The following GABRG1 variants were observed in gnomAD, a reference collection of about 807,000 sequenced individuals.
The protein encoded by GABRG1 is gamma-aminobutyric acid receptor subunit gamma-1.
In GABRG1, 49 loss-of-function variants were observed where a neutral mutation model predicts 49.8. The ratio of observed to expected loss-of-function variants is 0.98; its 90% CI spans 0.78 to 1.25. GABRG1 has a LOEUF of 1.25. GABRG1 is among the 50% of genes most tolerant of loss of function. The pLI is 0.00. For synonymous variants in GABRG1, 232 were observed against 185.1 expected (o/e 1.25, Z -2.06); for missense variants, 552 against 552.3 (o/e 1.00, Z 0.01).
chr4:46,057,233 C>T (rs1497571), intron 7 of GABRG1, among the ~76,000 whole-genome samples: 76,494 of 151,900 alleles, frequency 0.5, 19,823 homozygotes, highest in African/African-American at 0.62. Context: ...GCCAAGAGAA[C>T]TTCAAGTATA....
chr4:46,054,907 G>A (rs1207431094), intron 7 of GABRG1, among the ~76,000 whole-genome samples: 1 of 68,096 alleles, frequency 1.5e-5, no homozygotes, highest in African/African-American at 7.9e-5. Context: ...CGGTGAGAGA[G>A]GGCATCCCTG....
rs564259318 is a variant in GABRG1, at chr4:46,090,799, A to G, written c.253+6402T>C. ...TCTTTGGCCACTTCTTCCCCTTGGT[A>G]TATTTGCTGTTTGACAGCACAGCAA... On this transcript the variant is annotated intron_variant, in intron 2 of 8. Transcript: ENST00000295452. 1.3e-3 allele frequency among the ~76,000 whole-genome samples: 199 copies of G among 152,058 alleles called. 3 individuals carry two copies. Among genetic ancestry groups the G allele is most frequent in the Admixed American group, 2.9e-3 (44 of 15,242 alleles).
chr4:46,066,337 T>A (rs1718921549), intron 3 of GABRG1, among the ~76,000 whole-genome samples: 1 of 152,196 alleles, frequency 6.6e-6, no homozygotes, highest in Admixed American at 6.6e-5. Context: ...CTACTGTTTT[T>A]AAATGTTTTA....
intron 3 of GABRG1, among the ~76,000 whole-genome samples, chr4:46,066,591 A>G (rs1325299698): frequency 1.3e-5 from 2 of 152,202 alleles, no homozygotes; most frequent in Admixed American, 6.5e-5. Flanking sequence ...CATCCATAAC[A>G]AATGCATATA....
At chr4:46,074,038 T>C (rs1482196524) in intron 3 of GABRG1, among the ~76,000 whole-genome samples, 1 of 152,170 alleles carries the variant, frequency 6.6e-6, no homozygotes, top group African/African-American at 2.4e-5. Flanking sequence ...TAAGAAGTTC[T>C]CTGTGACAAA....
intron 3 of GABRG1, among the ~76,000 whole-genome samples, chr4:46,080,954 C>A (rs1244006982): frequency 6.6e-6 from 1 of 151,768 alleles, no homozygotes; most frequent in African/African-American, 2.4e-5. Flanking sequence ...GCACCTATTA[C>A]ACGTGTATAT....
At chr4:46,079,383 T>C (rs746218789) in intron 3 of GABRG1, among the ~76,000 whole-genome samples, 5 of 151,952 alleles carry the variant, frequency 3.3e-5, no homozygotes, top group Non-Finnish European at 7.4e-5. Flanking sequence ...AGCAGGAAGA[T>C]TCTACCCAGT....
intron 7 of GABRG1, among the ~76,000 whole-genome samples, chr4:46,053,443 A>ATTTG (rs3069472): frequency 0.51 from 76,527 of 151,522 alleles, 19,890 homozygotes; most frequent in African/African-American, 0.62. Flanking sequence ...ATGGTTGCAG[A>ATTTG]TTTATTTCTC....
chr4:46,071,296 TAC>T (rs1719108718), intron 3 of GABRG1, among the ~76,000 whole-genome samples: 1 of 151,736 alleles, frequency 6.6e-6, no homozygotes, highest in Non-Finnish European at 1.5e-5. Context: ...TTCTACTTTA[TAC>T]ACACACAGAC....
intron 1 of GABRG1, among the ~76,000 whole-genome samples, chr4:46,120,712 T>C (rs188854894): frequency 3.0e-4 from 45 of 151,878 alleles, no homozygotes; most frequent in African/African-American, 9.9e-4. Flanking sequence ...GAAAATAATA[T>C]ATTTTAAAAA....
chr4:46,101,215 C>G (rs1720368360), intron 1 of GABRG1, among the ~76,000 whole-genome samples: 1 of 151,462 alleles, frequency 6.6e-6, no homozygotes, highest in African/African-American at 2.4e-5. Flanking sequence ...TTATAGAATT[C>G]CAGGACACAC....
intron 5 of GABRG1, among the ~76,000 whole-genome samples, chr4:46,060,189 CAAG>C (rs1190038169): frequency 6.6e-6 from 1 of 151,864 alleles, no homozygotes; most frequent in African/African-American, 2.4e-5. Context: ...TAGATTCTCT[CAAG>C]AAGAATCATC....
chr4:46,107,612 C>T lies in GABRG1; in HGVS notation c.105-10263G>A, dbSNP rs193230985. Among the ~76,000 whole-genome samples, 549 of 150,874 alleles carry T rather than the reference C, an allele frequency of 3.6e-3. 1 individual carries two copies. The highest frequency in any genetic ancestry group is 0.012 in the African/African-American group (514 of 41,256). ...TCATATGTGAATTATGATGGTGATACTAAATTATATAATTTTGAATCATTA... is the reference window on the plus strand; with the variant it reads ...TCATATGTGAATTATGATGGTGATATTAAATTATATAATTTTGAATCATTA... On this transcript the variant is annotated intron_variant, in intron 1 of 8. Coordinates refer to ENST00000295452, the MANE Select transcript of GABRG1 (RefSeq NM_173536.4).
At chr4:46,084,290 T>C (rs1334699167) in intron 2 of GABRG1, among the ~76,000 whole-genome samples, 1 of 151,716 alleles carries the variant, frequency 6.6e-6, no homozygotes, top group Non-Finnish European at 1.5e-5. Context: ...AAAAATGACC[T>C]TGTAGACTGA....
intron 3 of GABRG1, among the ~76,000 whole-genome samples, chr4:46,076,126 A>G (rs1417340353): frequency 1.3e-5 from 2 of 151,760 alleles, no homozygotes; most frequent in Non-Finnish European, 2.9e-5. Flanking sequence ...TACAGATGAG[A>G]AAAATTGTCT....
chr4:46,093,539 G>C (rs1720069122), intron 2 of GABRG1, among the ~76,000 whole-genome samples: 1 of 151,924 alleles, frequency 6.6e-6, no homozygotes, highest in South Asian at 2.1e-4. Flanking sequence ...TAGCATAGCA[G>C]GGTGACTACA....
chr4:46,064,339 C>T (rs6838525), intron 5 of GABRG1, 102 bp downstream of exon 5: 288,816 of 621,746 alleles, frequency 0.46, 69,032 homozygotes, highest in African/African-American at 0.63. Context: ...GAACATAACT[C>T]ACACTTTTGA....
intron 3 of GABRG1, among the ~76,000 whole-genome samples, chr4:46,069,760 T>G (rs1006718078): frequency 6.6e-6 from 1 of 152,016 alleles, no homozygotes; most frequent in Non-Finnish European, 1.5e-5. Flanking sequence ...TGTACTTGGT[T>G]TACAAAGACG....
intron 5 of GABRG1, among the ~76,000 whole-genome samples, chr4:46,059,466 T>C (rs576281075): frequency 6.6e-6 from 1 of 151,998 alleles, no homozygotes; most frequent in East Asian, 1.9e-4. Flanking sequence ...GGCTCACTGC[T>C]AATGTCTGCC....
Sources: gnomAD v4.1 joint callset for allele counts (sites outside exome capture counted in the v4.1 genomes callset) on GRCh38, gnomAD v4.1.1 for gene constraint, MANE v1.5 for transcripts, NCBI Gene and HGNC (gene_info 2026-07-23, HGNC 2026-07-21) for gene names.